MGAT4C: variants seen among roughly 807,000 people sequenced by gnomAD.
MGAT4C encodes MGAT4 family member C.
A neutral mutation model predicts 40.1 loss-of-function variants in MGAT4C; 19 were observed. The observed-to-expected ratio is 0.47, with a 90% CI of 0.33 to 0.70. The LOEUF (loss-of-function observed/expected upper bound fraction) is 0.70. Among genes scored for constraint, MGAT4C ranks in the 30% least tolerant of loss-of-function variants. The pLI is 0.02. For missense variants in MGAT4C, 491 were observed against 563.2 expected (o/e 0.87, Z 1.30); for synonymous variants, 181 against 187.1 (o/e 0.97, Z 0.27).
In MGAT4C at chr12:86,802,122, A is replaced by C. The variant is rs149392599; in HGVS notation, c.-262+36544T>G. On this transcript the variant is annotated intron_variant, in intron 1 of 7. Transcript: ENST00000548651. ...TAATTGACACCTGTGTAAACTTATA[A>C]TTAGCTTTATACCACACAAGGTGCC... is the stretch of plus-strand genomic sequence containing the variant. Among the ~76,000 whole-genome samples, 1,069 of 152,070 alleles carry C rather than the reference A, an allele frequency of 7.0e-3. 10 individuals carry two copies. The highest frequency in any genetic ancestry group is 0.024 in the African/African-American group (1,017 of 41,530).
intron 4 of MGAT4C, among the ~76,000 whole-genome samples, chr12:85,982,019 T>C (rs1188236536): frequency 6.6e-6 from 1 of 152,150 alleles, no homozygotes; most frequent in Non-Finnish European, 1.5e-5. Flanking sequence ...AAATGAGATA[T>C]AAAGAAATCT....
At chr12:86,562,514 A>G (rs1003756236) in intron 2 of MGAT4C, among the ~76,000 whole-genome samples, 2 of 152,062 alleles carry the variant, frequency 1.3e-5, no homozygotes, top group East Asian at 3.9e-4. Context: ...TGCTACCACC[A>G]GCCTTTACAC....
At chr12:86,363,714 CT>C (rs2136204578) in intron 3 of MGAT4C, among the ~76,000 whole-genome samples, 1 of 151,730 alleles carries the variant, frequency 6.6e-6, no homozygotes, top group African/African-American at 2.4e-5. Context: ...ATTGAAAAAC[CT>C]TTTTCCAGAT....
chr12:85,982,905 G>A (rs1884775389), intron 4 of MGAT4C, among the ~76,000 whole-genome samples: 1 of 152,164 alleles, frequency 6.6e-6, no homozygotes, highest in Admixed American at 6.5e-5. Flanking sequence ...TGATGATGGA[G>A]GCAGGAATTG....
At position 86,325,334 on chromosome 12, in the gene MGAT4C, C is replaced by A. The variant is rs186101711; in HGVS notation, c.-57+8731G>T. On this transcript the variant is annotated intron_variant, in intron 4 of 7. Coordinates refer to the MGAT4C transcript ENST00000548651. ...ATCATTGTATATTCCAGCAGCATATCAAAAAATTAGGAATTTATTTAGAAC... is the reference window on the plus strand; with the variant it reads ...ATCATTGTATATTCCAGCAGCATATAAAAAAATTAGGAATTTATTTAGAAC... Among the ~76,000 whole-genome samples the A allele has an allele frequency of 3.6e-3, 542 of 152,128 alleles. 3 individuals carry two copies. The highest frequency in any genetic ancestry group is 0.013 in the African/African-American group (524 of 41,520).
chr12:86,569,089 A>AAT lies in MGAT4C; in HGVS notation c.-228-133826_-228-133825dup, dbSNP rs145398656. Among the ~76,000 whole-genome samples, 136 of 151,276 alleles carry AAT rather than the reference A, an allele frequency of 9.0e-4. 1 individual carries two copies. The highest frequency in any genetic ancestry group is 2.7e-3 in the African/African-American group (112 of 41,356). On this transcript the variant is annotated intron_variant, in intron 2 of 7. Coordinates refer to the MGAT4C transcript ENST00000548651. ...GACACCTTTGTTTGTGAATTAGAAG[A>AAT]ATATATATATATATTCTTCAGGAGA...
At chr12:86,381,929 T>C (rs958568489) in intron 3 of MGAT4C, among the ~76,000 whole-genome samples, 4 of 152,204 alleles carry the variant, frequency 2.6e-5, no homozygotes, top group Non-Finnish European at 4.4e-5. Flanking sequence ...ATGTGAGACA[T>C]GCCTTTCACC....
chr12:86,003,805 A>C (rs1039039839), intron 2 of MGAT4C, among the ~76,000 whole-genome samples: 1 of 143,170 alleles, frequency 7.0e-6, no homozygotes, highest in Admixed American at 7.0e-5. Context: ...TTATTAATGC[A>C]AAACTAGATT....
rs553057172 is a variant in MGAT4C, at chr12:85,964,695, T to C, written c.*14594A>G. On this transcript the variant is annotated 3_prime_UTR_variant, in exon 5 of 5. Transcript: ENST00000611864. ...CCAAATATTGTAGCTTAGTTTTAAG[T>C]TTTTCTCGGCTGTTTCCTCTGACAG... 3.3e-5 allele frequency: 5 copies of C among 152,154 alleles called. No individual in the cohort carries two copies. The highest frequency in any genetic ancestry group is 1.2e-4 in the African/African-American group (5 of 41,426). 9.4% of individuals were successfully genotyped at this position (152,154 alleles called of 1,614,324 possible).
At chr12:86,534,219 A>G (rs1959033877) in intron 2 of MGAT4C, among the ~76,000 whole-genome samples, 1 of 152,052 alleles carries the variant, frequency 6.6e-6, no homozygotes, top group South Asian at 2.1e-4. Context: ...CTGCATAATC[A>G]AAACCTTGGT....
chr12:86,211,153 A>C (rs80043639), intron 1 of MGAT4C, among the ~76,000 whole-genome samples: 6,758 of 150,734 alleles, frequency 0.045, 167 homozygotes, highest in African/African-American at 0.071. Context: ...TTTAACTTTG[A>C]TTTTGACGAG....
chr12:86,157,622 A>G (rs1885114562), intron 1 of MGAT4C, among the ~76,000 whole-genome samples: 2 of 152,178 alleles, frequency 1.3e-5, no homozygotes, highest in Non-Finnish European at 2.9e-5. Context: ...AAAAAAAAGA[A>G]AAGAGATTTA....
chr12:86,509,957 T>G (rs1470073254), intron 2 of MGAT4C, among the ~76,000 whole-genome samples: 2 of 152,154 alleles, frequency 1.3e-5, no homozygotes, highest in Non-Finnish European at 2.9e-5. Context: ...TAAGGAGATT[T>G]TGGGCTGAGA....
intron 2 of MGAT4C, among the ~76,000 whole-genome samples, chr12:86,464,609 A>G (rs569256981): frequency 6.6e-6 from 1 of 152,128 alleles, no homozygotes; most frequent in East Asian, 1.9e-4. Context: ...ATCCTAAACA[A>G]TCATTTAAAA....
At chr12:86,558,208 T>G (rs1051171557) in intron 2 of MGAT4C, among the ~76,000 whole-genome samples, 1 of 152,080 alleles carries the variant, frequency 6.6e-6, no homozygotes, top group African/African-American at 2.4e-5. Context: ...ATGACATATA[T>G]GACATCATAA....
chr12:86,565,264 TGAA>T (rs369278018), intron 2 of MGAT4C, among the ~76,000 whole-genome samples: 8 of 152,264 alleles, frequency 5.3e-5, no homozygotes, highest in African/African-American at 1.9e-4. Context: ...ACAAATTACA[TGAA>T]GAAGTGGCTC....
chr12:86,407,202 T>C (rs1486366449), intron 3 of MGAT4C, among the ~76,000 whole-genome samples: 1 of 152,032 alleles, frequency 6.6e-6, no homozygotes, highest in African/African-American at 2.4e-5. Context: ...AATGCAGAAG[T>C]TTTTGTACCC....
chr12:86,153,789 C>G (rs1463845348), intron 1 of MGAT4C, among the ~76,000 whole-genome samples: 1 of 152,168 alleles, frequency 6.6e-6, no homozygotes, highest in Non-Finnish European at 1.5e-5. Context: ...TTTCCTGAGG[C>G]CTCCTCAGCC....
At chr12:86,802,602 C>A (rs1192783165) in intron 1 of MGAT4C, among the ~76,000 whole-genome samples, 1 of 151,710 alleles carries the variant, frequency 6.6e-6, no homozygotes, top group Non-Finnish European at 1.5e-5. Context: ...AAATCACAAG[C>A]ATTCTTATAC....
Sources: allele counts gnomAD v4.1 joint callset (sites outside exome capture counted in the v4.1 genomes callset), GRCh38; gene constraint gnomAD v4.1.1; transcripts MANE v1.5; gene names NCBI Gene and HGNC (gene_info 2026-07-23, HGNC 2026-07-21).